Variants in RIN2 observed in about 807,000 individuals in gnomAD.
RIN2 encodes the protein Ras and Rab interactor 2, also known as RAB5 interacting protein 2.
A neutral mutation model predicts 78.0 loss-of-function variants in RIN2; 36 were observed. The observed-to-expected ratio is 0.46, with a 90% CI of 0.35 to 0.61. The LOEUF is 0.61. Ranked by LOEUF, RIN2 falls within the 20% of genes least tolerant of loss-of-function variation. RIN2 has a pLI of 0.00. For synonymous variants in RIN2, 466 were observed against 466.8 expected, an observed-to-expected ratio of 1.00 and a Z score of 0.02; for missense variants, 1,087 against 1,159.7, an observed-to-expected ratio of 0.94 and a Z score of 0.91.
chr20:20,000,572 TTTCTC>T, intron 12 of RIN2, 36 bp from the exon 13 acceptor site: 2 of 1,505,798 alleles, frequency 1.3e-6, no homozygotes, highest in Non-Finnish European at 1.8e-6. Context: ...ACTATCTAGT[TTTCTC>T]TTCTGACTGT....
chr20:19,990,269 C>A lies in RIN2; in HGVS notation c.2026C>A (p.Arg676=). The part of the protein sequence containing the change: ...SPEKKVMLLL[R]VCKLIYTVME... ...GGAAAAGAAGGTCATGCTGCTGCTG[C>A]GGGTCTGCAAGCTCATTTACACGGT... Residue 676 remains arginine, a synonymous_variant, in exon 10 of 13, where the codon CGG becomes AGG. Coordinates refer to ENST00000255006, the MANE Select transcript of RIN2 (RefSeq NM_018993.4). 6.2e-7 allele frequency: 1 copy of A among 1,613,668 alleles called. No homozygotes were observed. Among genetic ancestry groups the A allele is most frequent in the Non-Finnish European group, 8.5e-7 (1 of 1,179,798 alleles).
chr20:19,919,560 C>T (rs538575320), intron 3 of RIN2, among the ~76,000 whole-genome samples: 1 of 152,128 alleles, frequency 6.6e-6, no homozygotes, highest in Admixed American at 6.5e-5. Context: ...AATCCCCGTA[C>T]CTTGGGAGAT....
chr20:19,982,691 C>T (rs138092855), intron 9 of RIN2, among the ~76,000 whole-genome samples: 4 of 152,320 alleles, frequency 2.6e-5, no homozygotes, highest in African/African-American at 4.8e-5. Context: ...CTGACACTTG[C>T]TTACCAGTCT....
At chr20:19,944,142 G>C (rs922089543) in intron 4 of RIN2, among the ~76,000 whole-genome samples, 2 of 151,892 alleles carry the variant, frequency 1.3e-5, no homozygotes, top group Non-Finnish European at 2.9e-5. Flanking sequence ...TGTTTGCTCT[G>C]TGTGTGTGTA....
intron 3 of RIN2, among the ~76,000 whole-genome samples, chr20:19,934,311 A>T (rs1600855198): frequency 6.6e-6 from 1 of 152,184 alleles, no homozygotes; most frequent in South Asian, 2.1e-4. Context: ...GCAGAGTGGC[A>T]CCCTTGAGAA....
intron 3 of RIN2, among the ~76,000 whole-genome samples, chr20:19,928,399 C>T (rs1194388122): frequency 6.6e-6 from 1 of 152,180 alleles, no homozygotes. Flanking sequence ...ACCCCTACTC[C>T]CAGCTGTCAG....
chr20:19,974,313 C>T (rs1209310884), intron 8 of RIN2, among the ~76,000 whole-genome samples: 1 of 152,132 alleles, frequency 6.6e-6, no homozygotes, highest in African/African-American at 2.4e-5. Context: ...AGTCAGGAAG[C>T]CCCAGTGACC....
chr20:19,855,964 C>T lies in RIN2; in HGVS notation c.-36-33602C>T, dbSNP rs576260070. On this transcript the variant is annotated intron_variant, in intron 2 of 12. Coordinates refer to ENST00000255006, the MANE Select transcript of RIN2 (RefSeq NM_018993.4). Reference sequence around the variant, plus strand: ...TGGCAGGCACCTGTGATCCCAGCTACTCGGGAGGCTGAGGCAGGAGAATTG... The same window carrying T: ...TGGCAGGCACCTGTGATCCCAGCTATTCGGGAGGCTGAGGCAGGAGAATTG... 3.2e-3 allele frequency among the ~76,000 whole-genome samples: 484 copies of T among 152,228 alleles called. 3 individuals are homozygous for T. The highest frequency in any genetic ancestry group is 0.011 in the African/African-American group (470 of 41,534).
intron 2 of RIN2, among the ~76,000 whole-genome samples, chr20:19,826,193 C>T (rs370993861): frequency 1.9e-4 from 29 of 152,114 alleles, no homozygotes; most frequent in South Asian, 1.0e-3. Context: ...AGGTGAGTGA[C>T]TATTTGCATG....
intron 2 of RIN2, among the ~76,000 whole-genome samples, chr20:19,886,982 T>C (rs2038225803): frequency 1.3e-5 from 2 of 152,074 alleles, no homozygotes; most frequent in Non-Finnish European, 2.9e-5. Flanking sequence ...CTATAGCTAC[T>C]ACAGAAAGAT....
At chr20:19,822,873 T>C (rs900646880) in intron 2 of RIN2, among the ~76,000 whole-genome samples, 3 of 152,186 alleles carry the variant, frequency 2.0e-5, no homozygotes, top group African/African-American at 7.2e-5. Flanking sequence ...CAATGTACTC[T>C]GCAAAAAGAG....
At chr20:19,759,069 G>A (rs960627043) in intron 1 of RIN2, among the ~76,000 whole-genome samples, 2 of 152,200 alleles carry the variant, frequency 1.3e-5, no homozygotes, top group African/African-American at 4.8e-5. Context: ...TCCACCCTTG[G>A]CCTGGGCTCC....
At chr20:19,888,218 G>A (rs1282240799) in intron 2 of RIN2, among the ~76,000 whole-genome samples, 1 of 152,182 alleles carries the variant, frequency 6.6e-6, no homozygotes, top group African/African-American at 2.4e-5. Flanking sequence ...TCTGGAAGGA[G>A]GGGTGGGATG....
intron 3 of RIN2, among the ~76,000 whole-genome samples, chr20:19,915,979 C>T (rs1466692745): frequency 1.3e-5 from 2 of 152,200 alleles, no homozygotes; most frequent in African/African-American, 2.4e-5. Flanking sequence ...CTGTGGCTCA[C>T]GCCTGTAATC....
At chr20:19,935,664 T>C in intron 4 of RIN2, 2 of 970,514 alleles carry the variant, frequency 2.1e-6, no homozygotes, top group Non-Finnish European at 2.5e-6. Context: ...AGCCGTGCAG[T>C]GATTGGAAAC....
At position 19,975,180 on chromosome 20, in the gene RIN2, C is replaced by A; in HGVS notation, c.1155C>A (p.Gly385=). Reference sequence around the variant, plus strand: ...TGAGCGGCGGCCGGCCGGGCGCAGGCCCGGAGCTGGAGCTGGGCACAGCTG... The same window carrying A: ...TGAGCGGCGGCCGGCCGGGCGCAGGACCGGAGCTGGAGCTGGGCACAGCTG... ...KTLSGGRPGA[G]PELELGTAGS... The change falls in exon 9 of 13, where the codon GGC becomes GGA. Residue 385 remains glycine, a synonymous_variant. Transcript: ENST00000255006. The surrounding 1 kb of genome is among the most constrained non-coding windows in gnomAD (Gnocchi z 4.9). 1.2e-6 allele frequency: 2 copies of A among 1,609,318 alleles called. No individual in the cohort carries two copies. Among genetic ancestry groups the A allele is most frequent in the Non-Finnish European group, 1.7e-6 (2 of 1,178,226 alleles).
chr20:19,847,789 C>G (rs978702944), intron 2 of RIN2, among the ~76,000 whole-genome samples: 22 of 152,136 alleles, frequency 1.4e-4, no homozygotes, highest in African/African-American at 5.3e-4. Context: ...AATCTGGTTA[C>G]TAGAAAATTT....
intron 4 of RIN2, among the ~76,000 whole-genome samples, chr20:19,940,422 C>G (rs2146150442): frequency 6.6e-6 from 1 of 152,350 alleles, no homozygotes; most frequent in African/African-American, 2.4e-5. Context: ...AAGGCTTCCT[C>G]CCTAGCAAAG....
chr20:19,783,503 C>A lies in RIN2; in HGVS notation c.-162-16119C>A, dbSNP rs548439508. On this transcript the variant is annotated intron_variant, in intron 1 of 12. Coordinates refer to ENST00000255006, the MANE Select transcript of RIN2 (RefSeq NM_018993.4). ...GGGGCTGTCTCTGACCTGGGTGATT[C>A]CTGTCCAGGCAAAGGCTCTGGGTGG... is the stretch of plus-strand genomic sequence containing the variant. 3.8e-3 allele frequency among the ~76,000 whole-genome samples: 585 copies of A among 152,232 alleles called. 4 individuals carry two copies. Among genetic ancestry groups the A allele is most frequent in the African/African-American group, 0.014 (565 of 41,530 alleles).
Sources: gnomAD v4.1 joint callset for allele counts (sites outside exome capture counted in the v4.1 genomes callset) on GRCh38, gnomAD v4.1.1 for gene constraint, Gnocchi (gnomAD v3.1) non-coding constraint, MANE v1.5 for transcripts, NCBI Gene and HGNC (gene_info 2026-07-23, HGNC 2026-07-21) for gene names.